Variants in CHD9 observed in about 807,000 individuals in gnomAD.
The protein encoded by CHD9 is chromodomain helicase DNA binding protein 9.
Under a neutral mutation model 316.1 loss-of-function variants are expected in CHD9, and 77 were observed. The observed-to-expected ratio is 0.24, with a 90% CI of 0.20 to 0.29. The LOEUF is 0.29. Among genes scored for constraint, CHD9 ranks in the 10% least tolerant of loss-of-function variants. The pLI is 1.00. For synonymous variants in CHD9, 1,129 were observed against 1,158.3 expected, an observed-to-expected ratio of 0.97 and a Z score of 0.51; for missense variants, 2,763 against 3,438.1, an observed-to-expected ratio of 0.80 and a Z score of 4.91.
At position 53,314,459 on chromosome 16, in the gene CHD9, G is replaced by A; in HGVS notation, c.7305G>A (p.Arg2435=). 6.3e-7 allele frequency: 1 copy of A among 1,583,854 alleles called. No homozygotes were observed. The highest frequency in any genetic ancestry group is 1.8e-5 in the Admixed American group (1 of 55,662). The change falls in exon 35 of 39, where the codon AGG becomes AGA. Residue 2435 remains arginine (R), a synonymous_variant. Transcript: ENST00000447540. ...QPIVKKRRGR[R]KNVEGVDIFF... ...TAGTCAAAAAAAGGCGAGGAAGGAG[G>A]AAGAATGTAGAAGGTGTTGACATCT... is the stretch of plus-strand genomic sequence containing the variant.
chr16:53,190,403 T>TA (rs1456309787), intron 2 of CHD9, among the ~76,000 whole-genome samples: 2 of 152,234 alleles, frequency 1.3e-5, no homozygotes, highest in South Asian at 2.1e-4. Context: ...GAGCCTTTAA[T>TA]ATGTTAAGCT....
At chr16:53,307,406 C>T (rs7203402) in intron 32 of CHD9, among the ~76,000 whole-genome samples, 36,127 of 151,514 alleles carry the variant, frequency 0.24, 4,634 homozygotes, top group Middle Eastern at 0.32. Context: ...GCTTCAAGCA[C>T]TCCTACCACC....
intron 3 of CHD9, among the ~76,000 whole-genome samples, chr16:53,215,307 T>TA (rs1320358129): frequency 3.9e-5 from 6 of 152,342 alleles, no homozygotes; most frequent in African/African-American, 1.4e-4. Context: ...ATTTCTTACT[T>TA]ACATTAAATA....
intron 1 of CHD9, among the ~76,000 whole-genome samples, chr16:53,142,755 T>C (rs1385958091): frequency 6.6e-6 from 1 of 152,250 alleles, no homozygotes. Flanking sequence ...ATCTAATTTA[T>C]TTTCTAATTA....
At chr16:53,155,012 C>T (rs1043074606) in intron 1 of CHD9, among the ~76,000 whole-genome samples, 3 of 151,900 alleles carry the variant, frequency 2.0e-5, no homozygotes, top group African/African-American at 4.8e-5. Flanking sequence ...ATTTTTCCAG[C>T]GCTTAATTTT....
chr16:53,287,810 C>T, intron 26 of CHD9, 147 bp from the exon 27 acceptor site: 2 of 633,488 alleles, frequency 3.2e-6, no homozygotes, highest in Non-Finnish European at 5.7e-6. Flanking sequence ...TAACAGCCTT[C>T]CTGCTGTGTC....
chr16:53,206,720 C>G (rs1244734091), intron 2 of CHD9, among the ~76,000 whole-genome samples: 1 of 152,156 alleles, frequency 6.6e-6, no homozygotes, highest in African/African-American at 2.4e-5. Context: ...CATTTTAGCT[C>G]TTATTGTCAT....
intron 32 of CHD9, 106 bp downstream of exon 32, chr16:53,306,503 G>A (rs1018987545): frequency 4.3e-6 from 4 of 921,146 alleles, no homozygotes; most frequent in Middle Eastern, 3.3e-4. Context: ...AGCGTAAAAT[G>A]TAGGATGACA....
At chr16:53,283,335 G>A (rs2153037264) in intron 24 of CHD9, among the ~76,000 whole-genome samples, 1 of 152,276 alleles carries the variant, frequency 6.6e-6, no homozygotes, top group South Asian at 2.1e-4. Flanking sequence ...ATCTACCCTG[G>A]GGAAGTTAAA....
At chr16:53,131,534 C>G (rs1199768396) in intron 1 of CHD9, among the ~76,000 whole-genome samples, 1 of 151,064 alleles carries the variant, frequency 6.6e-6, no homozygotes, top group Middle Eastern at 3.4e-3. Flanking sequence ...CCCCGCCCCC[C>G]GGCCCACAGC....
chr16:53,159,897 G>A (rs1173774449), intron 2 of CHD9, among the ~76,000 whole-genome samples: 1 of 152,174 alleles, frequency 6.6e-6, no homozygotes, highest in Non-Finnish European at 1.5e-5. Flanking sequence ...CATTACAGGC[G>A]TGAGCCACCA....
At chr16:53,260,716 C>G (rs978441472) in intron 19 of CHD9, among the ~76,000 whole-genome samples, 1 of 152,104 alleles carries the variant, frequency 6.6e-6, no homozygotes, top group African/African-American at 2.4e-5. Flanking sequence ...AGGGGAGAAT[C>G]TGTTTCTTAT....
At chr16:53,254,637 T>G (rs1463672374) in intron 18 of CHD9, 32 bp downstream of exon 18, 2 of 1,545,706 alleles carry the variant, frequency 1.3e-6, no homozygotes, top group Non-Finnish European at 1.8e-6. Context: ...CTTGAGATTT[T>G]TGTGTGTTTT....
chr16:53,292,700 C>T, intron 28 of CHD9, 133 bp from the exon 29 acceptor site: 2 of 687,818 alleles, frequency 2.9e-6, no homozygotes, highest in Non-Finnish European at 4.9e-6. Flanking sequence ...TTAAAAGAAG[C>T]TTTTAGGATG....
chr16:53,106,657 TACAC>T (rs10538483), intron 1 of CHD9, among the ~76,000 whole-genome samples: 18 of 150,556 alleles, frequency 1.2e-4, no homozygotes, highest in South Asian at 6.3e-4. Context: ...CACACATACA[TACAC>T]ACACACACAC....
rs183750780 is a variant in CHD9, at chr16:53,227,264, C to T, written c.2044-132C>T. The T allele has an allele frequency of 1.5e-3, 912 of 589,510 alleles. 4 individuals are homozygous for T. The highest frequency in any genetic ancestry group is 2.4e-3 in the Non-Finnish European group (820 of 336,428). The allele number at this position is 589,510 out of a possible 1,614,324, so 36.5% of individuals were successfully genotyped here. A position where few individuals can be genotyped will look rare whatever the true frequency, so the allele number is the denominator to read the frequency against. On this transcript the variant is annotated intron_variant, in intron 5 of 38. Transcript: ENST00000447540. The stretch of plus-strand genomic sequence containing the variant: ...TTTTTTCATTTTTGTATTTCTAACA[C>T]GTAACATAGTGTCTAGCATATATGC...
In CHD9 at chr16:53,245,492, T is replaced by G. The variant is rs1218131688; in HGVS notation, c.3198+13T>G. 1 of 1,570,708 alleles carries G rather than the reference T, an allele frequency of 6.4e-7. No homozygotes were observed. Among genetic ancestry groups the G allele is most frequent in the Non-Finnish European group, 8.6e-7 (1 of 1,163,878 alleles). On this transcript the variant is annotated intron_variant, in intron 14 of 38. Transcript: ENST00000447540. The surrounding 1 kb of genome is among the most constrained non-coding windows in gnomAD (Gnocchi z 4.1). ...AACAGAGGAACAGGTATCCTATTGC[T>G]CTTTGTAAATACATTCATCGCATTT...
chr16:53,079,309 A>G (rs1457091701), intron 1 of CHD9, among the ~76,000 whole-genome samples: 1 of 152,166 alleles, frequency 6.6e-6, no homozygotes, highest in Non-Finnish European at 1.5e-5. Flanking sequence ...CCACCCCTAG[A>G]GCTGTATATT....
At chr16:53,199,530 G>C (rs1250821289) in intron 2 of CHD9, among the ~76,000 whole-genome samples, 1 of 152,014 alleles carries the variant, frequency 6.6e-6, no homozygotes, top group Non-Finnish European at 1.5e-5. Context: ...GGTGAAGTTT[G>C]GGCATTTAGT....
Sources: allele counts gnomAD v4.1 joint callset (sites outside exome capture counted in the v4.1 genomes callset), GRCh38; gene constraint gnomAD v4.1.1; non-coding constraint Gnocchi (gnomAD v3.1); transcripts MANE v1.5; gene names NCBI Gene and HGNC (gene_info 2026-07-23, HGNC 2026-07-21).